Variants in CNTN6 observed in about 807,000 individuals in gnomAD.
CNTN6 encodes contactin 6.
Under a neutral mutation model 122.8 loss-of-function variants are expected in CNTN6, and 137 were observed. That is an observed-to-expected ratio of 1.12 (90% CI 0.97 to 1.29). CNTN6 has a LOEUF of 1.29. Ranked by LOEUF, CNTN6 falls within the 50% of genes most tolerant of loss-of-function variation. CNTN6 has a pLI of 0.00. For missense variants in CNTN6, 1,634 were observed against 1,223.4 expected (o/e 1.34, Z -5.01); for synonymous variants, 570 against 426.0 (o/e 1.34, Z -4.16).
intron 2 of CNTN6, among the ~76,000 whole-genome samples, chr3:1,177,249 T>G (rs2093468367): frequency 6.6e-6 from 1 of 152,104 alleles, no homozygotes; most frequent in African/African-American, 2.4e-5. Flanking sequence ...TATAAAAAAT[T>G]TTGGGGGGTT....
At chr3:1,384,608 A>AATTT (rs1449135536) in intron 19 of CNTN6, among the ~76,000 whole-genome samples, 6 of 151,226 alleles carry the variant, frequency 4.0e-5, no homozygotes, top group Non-Finnish European at 8.8e-5. Context: ...TGGGTAACAT[A>AATTT]ATTTATTTAA....
intron 2 of CNTN6, among the ~76,000 whole-genome samples, chr3:1,171,162 C>T (rs1235098481): frequency 1.3e-5 from 2 of 152,162 alleles, no homozygotes; most frequent in East Asian, 1.9e-4. Context: ...TAAATGTCTA[C>T]TTCTTAATGC....
chr3:1,158,763 T>TAC (rs1310570346), intron 2 of CNTN6, among the ~76,000 whole-genome samples: 3 of 92,698 alleles, frequency 3.2e-5, no homozygotes, highest in Non-Finnish European at 6.8e-5. Flanking sequence ...TACATATATA[T>TAC]ACACACATAT....
chr3:1,158,221 C>T (rs1438095346), intron 2 of CNTN6, among the ~76,000 whole-genome samples: 4 of 152,294 alleles, frequency 2.6e-5, no homozygotes, highest in South Asian at 4.1e-4. Context: ...GGATATAAGC[C>T]ATTTCAACTG....
intron 1 of CNTN6, among the ~76,000 whole-genome samples, chr3:1,144,588 T>C (rs537769690): frequency 1.6e-5 from 2 of 122,320 alleles, no homozygotes; most frequent in Non-Finnish European, 3.4e-5. Context: ...TAAAAAATAA[T>C]AATAATAAAA....
At chr3:1,220,903 A>G in intron 3 of CNTN6, 90 bp downstream of exon 3, 1 of 1,380,944 alleles carries the variant, frequency 7.2e-7, no homozygotes, top group Non-Finnish European at 9.7e-7. Context: ...AAAATGTCCT[A>G]ATTTGTAGTG....
At chr3:1,256,012 G>C (rs1472974468) in intron 4 of CNTN6, among the ~76,000 whole-genome samples, 1 of 151,952 alleles carries the variant, frequency 6.6e-6, no homozygotes, top group African/African-American at 2.4e-5. Flanking sequence ...GGGAATACAG[G>C]CGTGTGCCAC....
intron 1 of CNTN6, among the ~76,000 whole-genome samples, chr3:1,125,010 GT>G (rs2092108773): frequency 3.3e-5 from 5 of 151,928 alleles, no homozygotes; most frequent in South Asian, 4.1e-4. Context: ...TGTTATTCTT[GT>G]TTTTAAGTTA....
intron 7 of CNTN6, among the ~76,000 whole-genome samples, chr3:1,313,594 T>A (rs1012682415): frequency 1.3e-5 from 2 of 152,162 alleles, no homozygotes; most frequent in African/African-American, 4.8e-5. Context: ...TCCTTTTTTT[T>A]CCCCCAACTG....
chr3:1,241,939 G>C (rs1199468391), intron 4 of CNTN6, among the ~76,000 whole-genome samples: 3 of 152,214 alleles, frequency 2.0e-5, no homozygotes, highest in Non-Finnish European at 2.9e-5. Context: ...AAGTTGTTTG[G>C]ACAGAAAGGC....
chr3:1,096,545 G>T (rs2090537401), intron 1 of CNTN6, among the ~76,000 whole-genome samples: 1 of 152,036 alleles, frequency 6.6e-6, no homozygotes, highest in Non-Finnish European at 1.5e-5. Context: ...TTGACAAATT[G>T]GTTATCTTCT....
chr3:1,315,460 G>A (rs147235552), intron 7 of CNTN6, among the ~76,000 whole-genome samples: 3 of 152,054 alleles, frequency 2.0e-5, no homozygotes, highest in Admixed American at 6.6e-5. Context: ...TAATAATTTA[G>A]TTGAAATTAC....
chr3:1,099,139 T>C (rs2090714168), intron 1 of CNTN6, among the ~76,000 whole-genome samples: 1 of 152,094 alleles, frequency 6.6e-6, no homozygotes, highest in African/African-American at 2.4e-5. Context: ...TATTAGACTA[T>C]TTAGACTCAT....
chr3:1,399,263 G>C (rs1312074802), intron 20 of CNTN6, among the ~76,000 whole-genome samples: 1 of 152,094 alleles, frequency 6.6e-6, no homozygotes, highest in African/African-American at 2.4e-5. Context: ...GCAATATCCT[G>C]TGAGAATTTT....
At position 1,374,680 on chromosome 3, in the gene CNTN6, C is replaced by T. The variant is rs151014937; in HGVS notation, c.2095+607C>T. On this transcript the variant is annotated intron_variant, in intron 16 of 22. Transcript: ENST00000446702. Reference sequence around the variant, plus strand: ...CTTTGTTCCACTCAAACTTTTACATCCAGGGTGACATTTAATCTGCTAGCT... The same window carrying T: ...CTTTGTTCCACTCAAACTTTTACATTCAGGGTGACATTTAATCTGCTAGCT... 7.5e-3 allele frequency among the ~76,000 whole-genome samples: 1,142 copies of T among 152,132 alleles called. 8 individuals carry two copies. Among genetic ancestry groups the T allele is most frequent in the Non-Finnish European group, 0.013 (856 of 67,960 alleles).
rs980643361 is a variant in CNTN6 at position 1,148,137 on chromosome 3, A to G, written c.55+74A>G. The G allele has an allele frequency of 2.1e-5, 24 of 1,128,506 alleles. No individual in the cohort carries two copies. The South Asian group carries it at 2.5e-4, about 12-fold the overall frequency. 69.9% of individuals were successfully genotyped at this position (1,128,506 alleles called of 1,614,324 possible). On this transcript the variant is annotated intron_variant, in intron 2 of 22. Transcript: ENST00000446702. ...TGTATTTCTTTCTATGGGTGAAGCA[A>G]TTTTCAAAATGCACAATTTGTATGT...
Position 1,295,684 on chromosome 3 carries a change from A to C in CNTN6, c.538A>C (p.Asn180His). Residue 180 changes from asparagine to histidine, a missense_variant, in exon 6 of 23, where the codon AAC becomes CAC. Coordinates refer to ENST00000446702, the MANE Select transcript of CNTN6 (RefSeq NM_001289080.2). ...GCGATTTGTATCTCAAGAGACGGGA[A>C]ACTTGTACATTGCCAAAGTGGAACC... The part of the protein sequence containing the change: ...NRRFVSQETG[N>H]LYIAKVEPSD... 6.2e-7 allele frequency: 1 copy of C among 1,614,058 alleles called. No homozygotes were observed. The highest frequency in any genetic ancestry group is 8.5e-7 in the Non-Finnish European group (1 of 1,179,938).
intron 7 of CNTN6, among the ~76,000 whole-genome samples, chr3:1,314,827 C>G (rs1390455145): frequency 1.3e-5 from 2 of 151,966 alleles, no homozygotes; most frequent in Non-Finnish European, 1.5e-5. Context: ...TGTGAAGAAT[C>G]ACATTTCAGG....
intron 20 of CNTN6, among the ~76,000 whole-genome samples, chr3:1,390,876 T>C (rs1694040431): frequency 6.6e-6 from 1 of 150,994 alleles, no homozygotes; most frequent in South Asian, 2.1e-4. Context: ...AATCTCTGAA[T>C]AGACCAATAA....
Sources: allele counts gnomAD v4.1 joint callset (sites outside exome capture counted in the v4.1 genomes callset), GRCh38; gene constraint gnomAD v4.1.1; transcripts MANE v1.5; gene names NCBI Gene and HGNC (gene_info 2026-07-23, HGNC 2026-07-21).